EIF5B: variants seen among roughly 807,000 people sequenced by gnomAD.
EIF5B encodes the protein eIF-5B.
In EIF5B, 47 loss-of-function variants were observed where a neutral mutation model predicts 147.5. The observed-to-expected ratio is 0.32, with a 90% CI of 0.25 to 0.41. The LOEUF (loss-of-function observed/expected upper bound fraction) is 0.41, where lower values mean the gene tolerates loss of function less well. EIF5B is among the 10% of genes least tolerant of loss of function. The pLI, the probability that EIF5B is intolerant of heterozygous loss-of-function variation, is 1.00. For missense variants in EIF5B, 1,064 were observed against 1,413.2 expected (o/e 0.75, Z 3.96); for synonymous variants, 455 against 456.2 (o/e 1.00, Z 0.03).
At chr2:99,390,441 T>TTA (rs1553536652) in intron 16 of EIF5B, 40 bp downstream of exon 16, 18,726 of 1,548,904 alleles carry the variant, frequency 0.012, 46 homozygotes, top group South Asian at 0.03. Flanking sequence ...TTTTTTTTTT[T>TTA]AAAAATAGCA....
chr2:99,398,993 T>G, intron 23 of EIF5B, 84 bp downstream of exon 23: 1 of 1,453,294 alleles, frequency 6.9e-7, no homozygotes, highest in South Asian at 1.4e-5. Flanking sequence ...CTCCTTGGGC[T>G]TCAGTTTGAT....
At chr2:99,362,363 A>G (rs1674236468) in intron 4 of EIF5B, among the ~76,000 whole-genome samples, 1 of 152,220 alleles carries the variant, frequency 6.6e-6, no homozygotes, top group African/African-American at 2.4e-5. Context: ...TTAGAATGAA[A>G]ATAGCTAAAG....
At chr2:99,353,002 CTTCTTTTTTT>C (rs1368099496) in intron 1 of EIF5B, among the ~76,000 whole-genome samples, 6 of 64,228 alleles carry the variant, frequency 9.3e-5, no homozygotes, top group Non-Finnish European at 1.3e-4. Flanking sequence ...TTTTCTTCTT[CTTCTTTTTTT>C]TTTTTTTTTT....
chr2:99,378,799 G>A (rs1485002201), intron 10 of EIF5B, among the ~76,000 whole-genome samples: 2 of 152,122 alleles, frequency 1.3e-5, no homozygotes, highest in Non-Finnish European at 2.9e-5. Flanking sequence ...ATTCAGCAGT[G>A]CTGCTGTGAA....
chr2:99,344,157 TTA>T (rs1220792239), intron 1 of EIF5B, among the ~76,000 whole-genome samples: 5 of 152,014 alleles, frequency 3.3e-5, no homozygotes, highest in African/African-American at 1.2e-4. Context: ...CCTGACCTCG[TTA>T]TCCGCCCGCC....
rs776366666 is a variant in EIF5B, at chr2:99,371,610, AT to A, written c.1478-43del. 4 of 1,553,878 alleles carry A rather than the reference AT, an allele frequency of 2.6e-6. No individual in the cohort carries two copies. In the South Asian group the frequency reaches 4.8e-5, roughly 19 times the overall value. On this transcript the variant is annotated intron_variant, in intron 8 of 23. Transcript: ENST00000289371. ...TTACTTTTTTCTAAAAGACCTTCATATTTCTAAATAATTTTTGTGTCTTAAA... is the reference window on the plus strand; with the variant it reads ...TTACTTTTTTCTAAAAGACCTTCATATTCTAAATAATTTTTGTGTCTTAAA...
chr2:99,357,643 G>A (rs1674121923), intron 1 of EIF5B, among the ~76,000 whole-genome samples: 1 of 152,198 alleles, frequency 6.6e-6, no homozygotes, highest in South Asian at 2.1e-4. Flanking sequence ...GATTCTTGAA[G>A]CTATTTTGAT....
Position 99,369,413 on chromosome 2 carries a change from G to A in EIF5B, c.1409G>A (p.Cys470Tyr), listed in dbSNP as rs779636560. The A allele has an allele frequency of 3.1e-6, 5 of 1,611,232 alleles. No individual in the cohort carries two copies. The East Asian group carries it at 1.1e-4, about 36-fold the overall frequency. Reference protein sequence around the residue: ...SKEVSESMELCAAVEVMEQGV... With the variant: ...SKEVSESMELYAAVEVMEQGV... Reference sequence around the variant, plus strand: ...TCAGTGTCTGAATCAATGGAATTATGTGCTGCTGTAGAAGTTATGGAACAA... The same window carrying A: ...TCAGTGTCTGAATCAATGGAATTATATGCTGCTGTAGAAGTTATGGAACAA... The change falls in exon 8 of 24, where the codon TGT (cysteine) becomes TAT (tyrosine). Residue 470 changes from cysteine to tyrosine, a missense_variant. By Grantham distance (194) the Cys-to-Tyr change is radical. Around this residue, in one of 4 missense-constraint regions of EIF5B, gnomAD observed 195 missense variants for 186.3 expected, o/e 1.05. Coordinates refer to ENST00000289371, the MANE Select transcript of EIF5B (RefSeq NM_015904.4).
At chr2:99,341,053 C>G (rs1293816790) in intron 1 of EIF5B, among the ~76,000 whole-genome samples, 1 of 152,202 alleles carries the variant, frequency 6.6e-6, no homozygotes, top group East Asian at 1.9e-4. Context: ...TGTGATTCAC[C>G]ACGCTCAGCC....
intron 1 of EIF5B, among the ~76,000 whole-genome samples, chr2:99,340,313 C>G (rs780970245): frequency 4.1e-4 from 62 of 152,278 alleles, no homozygotes; most frequent in Non-Finnish European, 7.9e-4. Context: ...GAAAGAAAAT[C>G]TAGAGGGAGA....
At chr2:99,369,684 T>A (rs1225832189) in intron 8 of EIF5B, among the ~76,000 whole-genome samples, 1 of 152,212 alleles carries the variant, frequency 6.6e-6, no homozygotes, top group East Asian at 1.9e-4. Context: ...TTGAATCAGT[T>A]GTGTTCTTTT....
chr2:99,387,335 C>CT (rs1177998090), intron 14 of EIF5B, among the ~76,000 whole-genome samples: 3 of 151,868 alleles, frequency 2.0e-5, no homozygotes, highest in Non-Finnish European at 4.4e-5. Flanking sequence ...GATCAGTGAT[C>CT]TTTTTTTTAT....
chr2:99,370,876 G>A (rs1181908519), intron 8 of EIF5B, among the ~76,000 whole-genome samples: 1 of 152,164 alleles, frequency 6.6e-6, no homozygotes, highest in Admixed American at 6.5e-5. Context: ...TTGACCCAGA[G>A]TGATGGTGGT....
At chr2:99,385,783 T>C (rs1674792666) in intron 14 of EIF5B, among the ~76,000 whole-genome samples, 2 of 152,234 alleles carry the variant, frequency 1.3e-5, no homozygotes, top group Admixed American at 6.5e-5. Context: ...TGCTAAGTGT[T>C]TAATTTGTTT....
At chr2:99,391,830 C>G (rs1160582622) in intron 17 of EIF5B, among the ~76,000 whole-genome samples, 1 of 148,636 alleles carries the variant, frequency 6.7e-6, no homozygotes, top group Non-Finnish European at 1.5e-5. Flanking sequence ...CCCCGGGGTT[C>G]AGGTGATCCT....
chr2:99,377,693 T>C (rs1362826662), intron 10 of EIF5B, among the ~76,000 whole-genome samples: 1 of 152,148 alleles, frequency 6.6e-6, no homozygotes, highest in Non-Finnish European at 1.5e-5. Flanking sequence ...AATGGTAGTG[T>C]GTATGAGCTT....
In EIF5B at chr2:99,376,522, G is replaced by A; in HGVS notation, c.1728G>A (p.Gly576=). ...DEKVSDEKDS[G]KTLDKKPSKE... The stretch of plus-strand genomic sequence containing the variant: ...AGGTGTCAGATGAGAAGGATTCAGG[G>A]AAGACATTAGATAAAAAGCCAAGTA... Residue 576 remains glycine (G), a synonymous_variant, in exon 10 of 24, where the codon GGG becomes GGA. Transcript: ENST00000289371. 1 of 1,614,022 alleles carries A rather than the reference G, an allele frequency of 6.2e-7. No homozygotes were observed.
intron 1 of EIF5B, among the ~76,000 whole-genome samples, chr2:99,351,865 T>G (rs1201516726): frequency 6.6e-6 from 1 of 151,832 alleles, no homozygotes; most frequent in Admixed American, 6.6e-5. Flanking sequence ...GCCCAGCTAC[T>G]TTTTTTGTAT....
At chr2:99,372,834 A>G (rs890842829) in intron 9 of EIF5B, among the ~76,000 whole-genome samples, 3 of 152,178 alleles carry the variant, frequency 2.0e-5, no homozygotes, top group Non-Finnish European at 2.9e-5. Flanking sequence ...CTTGCTTTCT[A>G]TATTTAGGTC....
Sources: gnomAD v4.1 joint callset for allele counts (sites outside exome capture counted in the v4.1 genomes callset) on GRCh38, gnomAD v4.1.1 for gene constraint, gnomAD v4.1.1 regional missense constraint, MANE v1.5 for transcripts, NCBI Gene and HGNC (gene_info 2026-07-23, HGNC 2026-07-21) for gene names.